Variants in EPHX2 observed in about 807,000 individuals in gnomAD.
EPHX2 encodes the protein bifunctional epoxide hydrolase 2.
EPHX2 carries 74 observed loss-of-function variants against 78.7 expected under a neutral mutation model. The ratio of observed to expected loss-of-function variants is 0.94; its 90% CI spans 0.78 to 1.14. The LOEUF (loss-of-function observed/expected upper bound fraction) is 1.14, where lower values mean the gene tolerates loss of function less well. EPHX2 is among the 50% of genes most tolerant of loss of function. The pLI is 0.00. For missense variants in EPHX2, 715 were observed against 702.5 expected, an observed-to-expected ratio of 1.02 and a Z score of -0.20; for synonymous variants, 251 against 255.2, an observed-to-expected ratio of 0.98 and a Z score of 0.16.
At position 27,511,923 on chromosome 8, in the gene EPHX2, T is replaced by G; in HGVS notation, c.735+13T>G. Reference sequence around the variant, plus strand: ...CGTGACAGTAAAGGTGAGTCAGTTTTGTCTCTCAGTCGGCTAAGTGCTCTC... The same window carrying G: ...CGTGACAGTAAAGGTGAGTCAGTTTGGTCTCTCAGTCGGCTAAGTGCTCTC... On this transcript the variant is annotated intron_variant, in intron 6 of 18. Coordinates refer to ENST00000521400, the MANE Select transcript of EPHX2 (RefSeq NM_001979.6). 1 of 1,613,850 alleles carries G rather than the reference T, an allele frequency of 6.2e-7. No homozygotes were observed. Among genetic ancestry groups the G allele is most frequent in the Non-Finnish European group, 8.5e-7 (1 of 1,179,822 alleles).
downstream of EPHX2, among the ~76,000 whole-genome samples, chr8:27,548,409 C>T (rs1446027086): frequency 6.6e-6 from 1 of 152,140 alleles, no homozygotes; most frequent in Non-Finnish European, 1.5e-5. Flanking sequence ...TCCATCTGGC[C>T]ACAAATGATA....
rs1351006833 is a variant in EPHX2 at position 27,504,892 on chromosome 8, G to T, written c.347-64G>T. Reference sequence around the variant, plus strand: ...GGCCCATCATTGGAGTCCCTTGGGGGTATCTGGAGCATTTCAGGGCAAAGG... The same window carrying T: ...GGCCCATCATTGGAGTCCCTTGGGGTTATCTGGAGCATTTCAGGGCAAAGG... On this transcript the variant is annotated intron_variant, in intron 3 of 18. Coordinates refer to ENST00000521400, the MANE Select transcript of EPHX2 (RefSeq NM_001979.6). 6.4e-6 allele frequency: 10 copies of T among 1,557,682 alleles called. No individual in the cohort carries two copies. The East Asian group carries it at 1.4e-4, about 21-fold the overall frequency.
At chr8:27,511,266 A>C (rs1814231045) in intron 5 of EPHX2, among the ~76,000 whole-genome samples, 1 of 152,262 alleles carries the variant, frequency 6.6e-6, no homozygotes. Context: ...GCTGTGCTGG[A>C]GTGACTGCTG....
rs1443866551 is a variant in EPHX2 at position 27,545,519 on chromosome 8, C to G, written c.*997C>G. 1.3e-5 allele frequency: 2 copies of G among 152,196 alleles called. No homozygotes were observed. Among genetic ancestry groups the G allele is most frequent in the South Asian group, 4.1e-4 (2 of 4,822 alleles). 9.4% of individuals were successfully genotyped at this position (152,196 alleles called of 1,614,324 possible). A position where few individuals can be genotyped will look rare whatever the true frequency, so the allele number is the denominator to read the frequency against. On this transcript the variant is annotated 3_prime_UTR_variant, in exon 19 of 19. Transcript: ENST00000521400. Reference sequence around the variant, plus strand: ...CTCGCAGGGCCTCCCCCAACTGCCCCTGCCCACCCCCAGCCCGGCCCCATC... The same window carrying G: ...CTCGCAGGGCCTCCCCCAACTGCCCGTGCCCACCCCCAGCCCGGCCCCATC...
chr8:27,541,342 A>C (rs1477628770), intron 15 of EPHX2, 131 bp from the exon 16 acceptor site: 5 of 934,714 alleles, frequency 5.3e-6, no homozygotes, highest in Non-Finnish European at 8.3e-6. Flanking sequence ...CCTGGGCTCT[A>C]TTCTCTTGCC....
At chr8:27,520,365 T>A (rs116176194) in intron 9 of EPHX2, among the ~76,000 whole-genome samples, 1,982 of 151,712 alleles carry the variant, frequency 0.013, 39 homozygotes, top group African/African-American at 0.045. Context: ...GTTTTTTTTT[T>A]GAGATGGAGT....
chr8:27,503,782 C>T lies in EPHX2; in HGVS notation c.346+19C>T, dbSNP rs775132454. 1.2e-6 allele frequency: 2 copies of T among 1,604,292 alleles called. No individual in the cohort carries two copies. Among genetic ancestry groups the T allele is most frequent in the South Asian group, 1.1e-5 (1 of 90,900 alleles). On this transcript the variant is annotated intron_variant, in intron 3 of 18. Coordinates refer to ENST00000521400, the MANE Select transcript of EPHX2 (RefSeq NM_001979.6). Reference sequence around the variant, plus strand: ...AAGAAAGGTAAGGATCTGATACTGGCCAATCTCAGGCCGAACCACCCAGAA... The same window carrying T: ...AAGAAAGGTAAGGATCTGATACTGGTCAATCTCAGGCCGAACCACCCAGAA...
intron 4 of EPHX2, among the ~76,000 whole-genome samples, chr8:27,505,585 G>T (rs983138991): frequency 6.6e-6 from 1 of 152,170 alleles, no homozygotes; most frequent in African/African-American, 2.4e-5. Flanking sequence ...CTGTCCTAAA[G>T]CTCTTTTCTC....
intron 5 of EPHX2, among the ~76,000 whole-genome samples, chr8:27,508,946 CTTTTTTTTTTTT>C (rs34748947): frequency 9.3e-5 from 6 of 64,406 alleles, no homozygotes; most frequent in South Asian, 5.4e-4. Flanking sequence ...CCCCATCCTG[CTTTTTTTTTTTT>C]TTTTTTTTTT....
intron 11 of EPHX2, 52 bp downstream of exon 11, chr8:27,522,560 T>G (rs777840554): frequency 6.4e-7 from 1 of 1,565,022 alleles, no homozygotes; most frequent in South Asian, 1.1e-5. Context: ...CTTGAACTCC[T>G]GTGAGAATTG....
At chr8:27,543,886 G>A (rs1437015485) in intron 17 of EPHX2, 57 bp downstream of exon 17, 3 of 1,572,294 alleles carry the variant, frequency 1.9e-6, no homozygotes, top group Middle Eastern at 1.7e-4. Context: ...GGGCACGGGT[G>A]CTCAGAGGGA....
At position 27,531,858 on chromosome 8, in the gene EPHX2, G is replaced by T. The variant is rs1815054562; in HGVS notation, c.1171-4926G>T. ...GGTGGAGGGGAGCTCTCCCTGTTAG[G>T]AGGGCTGAGCACAGGAGGCAATCCT... On this transcript the variant is annotated intron_variant, in intron 12 of 18. Transcript: ENST00000521400. 2.0e-5 allele frequency among the ~76,000 whole-genome samples: 3 copies of T among 152,164 alleles called. No homozygotes were observed. In the South Asian group the frequency reaches 6.2e-4, roughly 32 times the overall value.
intron 1 of EPHX2, chr8:27,493,213 C>A (rs765163746): frequency 3.3e-5 from 5 of 153,702 alleles, no homozygotes; most frequent in Admixed American, 6.5e-5. Context: ...AGGGGAGAAG[C>A]CAAGTCACCC....
intron 1 of EPHX2, among the ~76,000 whole-genome samples, chr8:27,494,310 T>C (rs1167338068): frequency 4.6e-5 from 7 of 152,200 alleles, no homozygotes; most frequent in Non-Finnish European, 7.3e-5. Flanking sequence ...AGGTCTTGTA[T>C]GGGCTTTTCC....
At chr8:27,516,543 G>A in intron 8 of EPHX2, 145 bp downstream of exon 8, 1 of 737,804 alleles carries the variant, frequency 1.4e-6, no homozygotes, top group Non-Finnish European at 2.3e-6. Context: ...CTCTCCTACG[G>A]TGCCCTGTGT....
At chr8:27,537,648 G>C (rs1815255626) in intron 13 of EPHX2, among the ~76,000 whole-genome samples, 1 of 151,872 alleles carries the variant, frequency 6.6e-6, no homozygotes, top group South Asian at 2.1e-4. Context: ...AGTTTTATTT[G>C]GTTCTTTTTC....
intron 8 of EPHX2, 141 bp downstream of exon 8, chr8:27,516,539 T>C: frequency 1.3e-6 from 1 of 751,364 alleles, no homozygotes; most frequent in Non-Finnish European, 2.2e-6. Flanking sequence ...TTTCCTCTCC[T>C]ACGGTGCCCT....
chr8:27,525,068 CTGTGTGTGTGTGTGTGTGTG>C (rs56963159), intron 11 of EPHX2, among the ~76,000 whole-genome samples: 1 of 131,146 alleles, frequency 7.6e-6, no homozygotes, highest in African/African-American at 2.9e-5. Context: ...AGTATGTGTA[CTGTGTGTGTGTGTGTGTGTG>C]TGTGTGTGTG....
At chr8:27,495,697 G>T (rs1158518664) in intron 1 of EPHX2, among the ~76,000 whole-genome samples, 1 of 152,194 alleles carries the variant, frequency 6.6e-6, no homozygotes, top group Non-Finnish European at 1.5e-5. Context: ...GATGGCCACT[G>T]CTGCAACTAC....
Sources: gnomAD v4.1 joint callset for allele counts (sites outside exome capture counted in the v4.1 genomes callset) on GRCh38, gnomAD v4.1.1 for gene constraint, MANE v1.5 for transcripts, NCBI Gene and HGNC (gene_info 2026-07-23, HGNC 2026-07-21) for gene names.